The following ANKH variants were observed in gnomAD, a reference collection of about 807,000 sequenced individuals.
ANKH encodes mineralization regulator ANKH.
A neutral mutation model predicts 49.0 loss-of-function variants in ANKH; 15 were observed. The observed-to-expected ratio is 0.31, with a 90% CI of 0.20 to 0.47. ANKH has a LOEUF of 0.47. Ranked by LOEUF, ANKH falls within the 20% of genes least tolerant of loss-of-function variation. The pLI is 1.00. For synonymous variants in ANKH, 273 were observed against 260.0 expected (o/e 1.05, Z -0.48); for missense variants, 429 against 652.0 (o/e 0.66, Z 3.72).
intron 1 of ANKH, among the ~76,000 whole-genome samples, chr5:14,858,996 G>A (rs1459261964): frequency 6.6e-6 from 1 of 150,880 alleles, no homozygotes; most frequent in Non-Finnish European, 1.5e-5. Context: ...AGTGGCTTAT[G>A]GTGTTAATTG....
intron 4 of ANKH, among the ~76,000 whole-genome samples, chr5:14,752,620 C>G (rs1738756802): frequency 6.6e-6 from 1 of 152,134 alleles, no homozygotes; most frequent in Non-Finnish European, 1.5e-5. Context: ...AATGCATATT[C>G]CTGAGCTACA....
chr5:14,750,665 G>C (rs1047362727), intron 5 of ANKH, among the ~76,000 whole-genome samples: 32 of 152,184 alleles, frequency 2.1e-4, no homozygotes, highest in African/African-American at 7.5e-4. Context: ...ATTGAAGAAA[G>C]CATAAACAAA....
chr5:14,769,131 C>T lies in ANKH; in HGVS notation c.157G>A (p.Gly53Arg). 2 of 1,614,076 alleles carry T rather than the reference C, an allele frequency of 1.2e-6. No individual in the cohort carries two copies. The highest frequency in any genetic ancestry group is 8.5e-7 in the Non-Finnish European group (1 of 1,180,022). Reference protein sequence around the residue: ...EDAVEMLASYGLAYSLMKFFT... With the variant: ...EDAVEMLASYRLAYSLMKFFT... ...AACTTCATGAGGGAGTACGCCAGCCCGTAGCTGGCCAGCATCTCGACTGCA... is the reference window on the plus strand; with the variant it reads ...AACTTCATGAGGGAGTACGCCAGCCTGTAGCTGGCCAGCATCTCGACTGCA... Residue 53 changes from glycine to arginine, a missense_variant, in exon 2 of 12, where the codon GGG becomes AGG. By Grantham distance (125) the Gly-to-Arg change is moderately radical (BLOSUM62 -2). Transcript: ENST00000284268.
intron 8 of ANKH, among the ~76,000 whole-genome samples, chr5:14,735,107 A>G (rs1204137372): frequency 1.3e-5 from 2 of 152,234 alleles, no homozygotes; most frequent in Non-Finnish European, 2.9e-5. Context: ...TGGTACTTCT[A>G]TCAGTAGCTA....
intron 1 of ANKH, among the ~76,000 whole-genome samples, chr5:14,863,093 C>A (rs1458651036): frequency 1.3e-5 from 2 of 152,150 alleles, no homozygotes; most frequent in Non-Finnish European, 2.9e-5. Context: ...GCATACTGCA[C>A]AGCAAGAAGA....
At chr5:14,833,515 C>T (rs1287470993) in intron 1 of ANKH, among the ~76,000 whole-genome samples, 1 of 152,190 alleles carries the variant, frequency 6.6e-6, no homozygotes, top group African/African-American at 2.4e-5. Flanking sequence ...TCGCCTGCTC[C>T]TCCCCCAGTC....
intron 1 of ANKH, chr5:14,869,285 C>T (rs1297509545): frequency 1.3e-5 from 2 of 152,186 alleles, no homozygotes; most frequent in Non-Finnish European, 2.9e-5. Context: ...CAGTCTCACT[C>T]TCTCTCACCC....
intron 4 of ANKH, among the ~76,000 whole-genome samples, chr5:14,753,535 G>A (rs980393385): frequency 6.6e-6 from 1 of 152,174 alleles, no homozygotes. Flanking sequence ...GCTGATGATA[G>A]CAGAGGAGTG....
intron 1 of ANKH, among the ~76,000 whole-genome samples, chr5:14,783,866 C>T (rs1388729422): frequency 6.6e-6 from 1 of 152,152 alleles, no homozygotes; most frequent in African/African-American, 2.4e-5. Flanking sequence ...CCATGCTGTG[C>T]TTTCACTCTG....
intron 1 of ANKH, among the ~76,000 whole-genome samples, chr5:14,826,764 G>A (rs1266325902): frequency 6.6e-6 from 1 of 152,202 alleles, no homozygotes; most frequent in African/African-American, 2.4e-5. Flanking sequence ...ACTGAAAAAT[G>A]TTTCTGCTTT....
chr5:14,724,628 C>A (rs369440267), intron 8 of ANKH: 4 of 975,648 alleles, frequency 4.1e-6, no homozygotes, highest in East Asian at 2.3e-4. Flanking sequence ...TGAACCAAGA[C>A]CTGCTTCCTC....
intron 1 of ANKH, among the ~76,000 whole-genome samples, chr5:14,835,796 T>G (rs552218063): frequency 1.3e-5 from 2 of 152,198 alleles, no homozygotes; most frequent in South Asian, 2.1e-4. Flanking sequence ...TACCAAAGCC[T>G]GGCAGAGACA....
At chr5:14,774,922 C>T (rs1405760374) in intron 1 of ANKH, among the ~76,000 whole-genome samples, 1 of 146,552 alleles carries the variant, frequency 6.8e-6, no homozygotes, top group Non-Finnish European at 1.5e-5. Flanking sequence ...GTACTGAAGA[C>T]AAAAAAAAAA....
chr5:14,853,516 G>T (rs1180978345), intron 1 of ANKH, among the ~76,000 whole-genome samples: 1 of 152,138 alleles, frequency 6.6e-6, no homozygotes, highest in Non-Finnish European at 1.5e-5. Context: ...GGTTGAGGTC[G>T]CAGTGAGCTG....
At chr5:14,821,393 G>GT (rs1279105500) in intron 1 of ANKH, among the ~76,000 whole-genome samples, 5 of 152,192 alleles carry the variant, frequency 3.3e-5, no homozygotes, top group Non-Finnish European at 5.9e-5. Context: ...TAGAATTACA[G>GT]TAACAGCTCT....
chr5:14,852,888 C>A (rs1285540234), intron 1 of ANKH, among the ~76,000 whole-genome samples: 1 of 152,082 alleles, frequency 6.6e-6, no homozygotes, highest in African/African-American at 2.4e-5. Context: ...TCTAGCCTCA[C>A]CCAGGAGAAT....
At chr5:14,829,004 G>A (rs745343027) in intron 1 of ANKH, among the ~76,000 whole-genome samples, 1 of 151,992 alleles carries the variant, frequency 6.6e-6, no homozygotes, top group Non-Finnish European at 1.5e-5. Context: ...GGCCAACATG[G>A]TGAAACTCGT....
intron 11 of ANKH, among the ~76,000 whole-genome samples, chr5:14,712,148 C>A (rs1163768278): frequency 6.6e-6 from 1 of 152,246 alleles, no homozygotes; most frequent in Non-Finnish European, 1.5e-5. Flanking sequence ...TCTCAGCCCA[C>A]ACCCCTCAGC....
chr5:14,841,979 T>C (rs1741827610), intron 1 of ANKH, among the ~76,000 whole-genome samples: 1 of 152,150 alleles, frequency 6.6e-6, no homozygotes, highest in Non-Finnish European at 1.5e-5. Flanking sequence ...TCTAGGGAGT[T>C]AGTCTTAAGA....
Sources: gnomAD v4.1 joint callset for allele counts (sites outside exome capture counted in the v4.1 genomes callset) on GRCh38, gnomAD v4.1.1 for gene constraint, MANE v1.5 for transcripts, NCBI Gene and HGNC (gene_info 2026-07-23, HGNC 2026-07-21) for gene names.